TBCK: variants seen among roughly 807,000 people sequenced by gnomAD.
The protein encoded by TBCK is TBC1 domain containing kinase.
TBCK carries 99 observed loss-of-function variants against 113.4 expected under a neutral mutation model. That is an observed-to-expected ratio of 0.87 (90% CI 0.74 to 1.03). The LOEUF (loss-of-function observed/expected upper bound fraction) is 1.03. TBCK is among the 50% of genes least tolerant of loss of function. The probability of loss-of-function intolerance (pLI) is 0.00; values close to 1 mark genes in which losing one functional copy is unlikely to be tolerated. For missense variants in TBCK, 1,045 were observed against 1,061.3 expected (o/e 0.98, Z 0.21); for synonymous variants, 369 against 370.8 (o/e 1.00, Z 0.05).
At chr4:106,065,363 C>T (rs1299251134) in intron 25 of TBCK, among the ~76,000 whole-genome samples, 1 of 152,014 alleles carries the variant, frequency 6.6e-6, no homozygotes, top group African/African-American at 2.4e-5. Context: ...AATCTAATTA[C>T]AGTTTAGTAG....
intron 25 of TBCK, among the ~76,000 whole-genome samples, chr4:106,069,758 G>T (rs1737141051): frequency 6.6e-6 from 1 of 152,198 alleles, no homozygotes; most frequent in Admixed American, 6.5e-5. Context: ...TCACGATATG[G>T]ATTCTTCCTA....
intron 23 of TBCK, among the ~76,000 whole-genome samples, chr4:106,150,474 G>A (rs575437826): frequency 6.6e-6 from 1 of 152,174 alleles, no homozygotes; most frequent in Non-Finnish European, 1.5e-5. Flanking sequence ...GATATGATGT[G>A]TGCATCGAGT....
chr4:106,071,642 C>T (rs1013849306), intron 25 of TBCK, among the ~76,000 whole-genome samples: 2 of 152,118 alleles, frequency 1.3e-5, no homozygotes, highest in African/African-American at 2.4e-5. Flanking sequence ...AGTTCAAGTC[C>T]TGGATATCCT....
chr4:106,133,481 C>A (rs1277023520), intron 23 of TBCK, among the ~76,000 whole-genome samples: 2 of 151,842 alleles, frequency 1.3e-5, no homozygotes, highest in African/African-American at 4.8e-5. Context: ...AGAAAAAGTC[C>A]AAAAATGATA....
At chr4:106,234,832 G>A (rs370794326) in intron 15 of TBCK, among the ~76,000 whole-genome samples, 36 of 152,064 alleles carry the variant, frequency 2.4e-4, no homozygotes, top group African/African-American at 8.0e-4. Flanking sequence ...CATAGTCCAG[G>A]TGGAATAGGT....
intron 3 of TBCK, among the ~76,000 whole-genome samples, chr4:106,290,844 G>C (rs568464767): frequency 6.6e-6 from 1 of 152,334 alleles, no homozygotes; most frequent in Non-Finnish European, 1.5e-5. Flanking sequence ...ATAGGAGCAC[G>C]AACCCTACTG....
intron 20 of TBCK, among the ~76,000 whole-genome samples, chr4:106,196,224 T>C (rs1009157688): frequency 1.3e-5 from 2 of 151,808 alleles, no homozygotes; most frequent in Non-Finnish European, 2.9e-5. Flanking sequence ...TACACACATA[T>C]AGACATATAC....
intron 19 of TBCK, 141 bp from the exon 20 acceptor site, chr4:106,212,976 C>G: frequency 1.7e-6 from 1 of 598,198 alleles, no homozygotes. Context: ...TGTTTTGTTA[C>G]TATTTTAATT....
intron 22 of TBCK, among the ~76,000 whole-genome samples, chr4:106,176,900 T>C (rs1751732006): frequency 6.6e-6 from 1 of 151,946 alleles, no homozygotes; most frequent in African/African-American, 2.4e-5. Flanking sequence ...TTGATTTGCA[T>C]TTCTCTGATA....
At chr4:106,276,854 G>A (rs1764079728) in intron 3 of TBCK, among the ~76,000 whole-genome samples, 1 of 151,856 alleles carries the variant, frequency 6.6e-6, no homozygotes, top group Admixed American at 6.6e-5. Flanking sequence ...ACTCCAGCCT[G>A]GGCAAGAGTG....
At chr4:106,220,280 C>T (rs1757525848) in intron 19 of TBCK, among the ~76,000 whole-genome samples, 1 of 152,168 alleles carries the variant, frequency 6.6e-6, no homozygotes, top group African/African-American at 2.4e-5. Context: ...ACGGGTTCTT[C>T]AGGGGTTTCT....
At chr4:106,231,233 C>T (rs964022245) in intron 18 of TBCK, among the ~76,000 whole-genome samples, 2 of 150,742 alleles carry the variant, frequency 1.3e-5, no homozygotes, top group Admixed American at 6.6e-5. Context: ...AAAAAAAAAA[C>T]CTGCCATTGA....
At position 106,308,840 on chromosome 4, in the gene TBCK, G is replaced by T. The variant is rs750999870; in HGVS notation, c.121C>A (p.Arg41Ser). ...LTPNSIKILG[R>S]FQILKTITHP... is the part of the protein sequence containing the mutation. ...GTGATGGTTTTAAGGATTTGAAAGCGCCCTAAAATTTTGATGGAATTTGGT... is the reference window on the plus strand; with the variant it reads ...GTGATGGTTTTAAGGATTTGAAAGCTCCCTAAAATTTTGATGGAATTTGGT... The change falls in exon 2 of 26, where the codon CGC (arginine) becomes AGC (serine). Residue 41 changes from arginine to serine, a missense_variant. Physicochemically the swap from Arg to Ser is moderately radical, Grantham distance 110. Coordinates refer to ENST00000394708, the MANE Select transcript of TBCK (RefSeq NM_001163435.3). The T allele has an allele frequency of 1.2e-6, 2 of 1,614,112 alleles. No individual in the cohort carries two copies. The highest frequency in any genetic ancestry group is 2.2e-5 in the East Asian group (1 of 44,882).
chr4:106,131,897 C>A (rs1212413259), intron 23 of TBCK, among the ~76,000 whole-genome samples: 21 of 152,152 alleles, frequency 1.4e-4, no homozygotes, highest in Admixed American at 1.4e-3. Context: ...GAGTAAAGAT[C>A]ACTCTTGCTA....
chr4:106,204,323 G>C (rs1755208681), intron 20 of TBCK, among the ~76,000 whole-genome samples: 1 of 152,212 alleles, frequency 6.6e-6, no homozygotes, highest in Non-Finnish European at 1.5e-5. Flanking sequence ...ACAAGTGTCT[G>C]AGTACTTAAC....
intron 23 of TBCK, among the ~76,000 whole-genome samples, chr4:106,127,243 A>G (rs369230669): frequency 4.0e-5 from 6 of 151,212 alleles, no homozygotes; most frequent in African/African-American, 1.2e-4. Context: ...TTAGGTGAAT[A>G]TAAAGGAGAC....
intron 22 of TBCK, among the ~76,000 whole-genome samples, chr4:106,183,764 A>C (rs563925245): frequency 5.9e-4 from 90 of 152,172 alleles, no homozygotes; most frequent in African/African-American, 1.8e-3. Flanking sequence ...AAGTAATTAC[A>C]ATCTTGCTTT....
At chr4:106,316,651 G>C (rs1244376134), upstream of TBCK, 8 of 1,527,184 alleles carry the variant, frequency 5.2e-6, no homozygotes, top group East Asian at 2.0e-4. Flanking sequence ...GATCGTAGGG[G>C]TCTTCCTTCT....
At chr4:106,230,574 A>G in intron 18 of TBCK, 128 bp from the exon 19 acceptor site, 1 of 422,732 alleles carries the variant, frequency 2.4e-6, no homozygotes, top group Non-Finnish European at 4.2e-6. Context: ...GCCAAGTGCT[A>G]GAAAAACAAA....
Sources: allele counts gnomAD v4.1 joint callset (sites outside exome capture counted in the v4.1 genomes callset), GRCh38; gene constraint gnomAD v4.1.1; transcripts MANE v1.5; gene names NCBI Gene and HGNC (gene_info 2026-07-23, HGNC 2026-07-21).